UGT1A7: variants seen among roughly 807,000 people sequenced by gnomAD.
UGT1A7 encodes UDP glucuronosyltransferase family 1 member A7, also known as UDP-glucuronosyltransferase 1A7.
Under a neutral mutation model 45.6 loss-of-function variants are expected in UGT1A7, and 33 were observed. That is an observed-to-expected ratio of 0.72 (90% confidence interval 0.55 to 0.97). UGT1A7 has a LOEUF of 0.97. UGT1A7 is among the 50% of genes least tolerant of loss of function. The probability of loss-of-function intolerance (pLI) is 0.00; values close to 1 mark genes in which losing one functional copy is unlikely to be tolerated. For synonymous variants in UGT1A7, 274 were observed against 250.6 expected, an observed-to-expected ratio of 1.09 and a Z score of -0.88; for missense variants, 684 against 666.2, an observed-to-expected ratio of 1.03 and a Z score of -0.29.
intron 1 of UGT1A7, chr2:233,713,168 G>A (rs773495849): frequency 1.2e-6 from 2 of 1,614,212 alleles, no homozygotes; most frequent in South Asian, 2.2e-5. Flanking sequence ...ACCAGGTGGT[G>A]GTCCTCACCC....
chr2:233,728,564 A>T (rs2077727018), intron 1 of UGT1A7, among the ~76,000 whole-genome samples: 1 of 152,200 alleles, frequency 6.6e-6, no homozygotes, highest in Non-Finnish European at 1.5e-5. Flanking sequence ...TACAAGAAAT[A>T]TCCTGGTGCG....
Position 233,724,804 on chromosome 2 carries a change from G to A in UGT1A7, c.855+42012G>A, listed in dbSNP as rs1450931342. ...TCACTTCCCAGACGGGGTGGCGGCCGGGCAGAGGCTGCAATCTCGGCACTT... is the reference window on the plus strand; with the variant it reads ...TCACTTCCCAGACGGGGTGGCGGCCAGGCAGAGGCTGCAATCTCGGCACTT... On this transcript the variant is annotated intron_variant, in intron 1 of 4. Coordinates refer to ENST00000373426, the MANE Select transcript of UGT1A7 (RefSeq NM_019077.3). 4.1e-4 allele frequency among the ~76,000 whole-genome samples: 57 copies of A among 138,728 alleles called. 3 individuals are homozygous for A. Among genetic ancestry groups the A allele is most frequent in the Non-Finnish European group, 8.3e-4 (54 of 64,962 alleles). The allele number at this position is 138,728 out of a possible 152,430, so 91.0% of individuals were successfully genotyped here. A position where few individuals can be genotyped will look rare whatever the true frequency, so the allele number is the denominator to read the frequency against.
intron 1 of UGT1A7, chr2:233,729,416 CTCAACTGT>C (rs2077854535): frequency 6.2e-7 from 1 of 1,613,510 alleles, no homozygotes. Context: ...CTGGGCCACA[CTCAACTGT>C]ACTTTGAAAC....
chr2:233,689,685 A>G (rs1172715108), intron 1 of UGT1A7, among the ~76,000 whole-genome samples: 1 of 152,190 alleles, frequency 6.6e-6, no homozygotes, highest in East Asian at 1.9e-4. Context: ...TGGCTGTCAG[A>G]GTTCAGTCGT....
chr2:233,721,721 C>T (rs2076966179), intron 1 of UGT1A7: 1 of 393,114 alleles, frequency 2.5e-6, no homozygotes. Flanking sequence ...GCTTTGTTTA[C>T]TTGGATAAGC....
At position 233,685,517 on chromosome 2, in the gene UGT1A7, G is replaced by A. The variant is rs996449666; in HGVS notation, c.855+2725G>A. Among the ~76,000 whole-genome samples, 3 of 152,184 alleles carry A rather than the reference G, an allele frequency of 2.0e-5. No individual in the cohort carries two copies. The East Asian group carries it at 5.8e-4, about 29-fold the overall frequency. ...GTGGTTACAGCAAGAAAAGATCTATGCTTTCCCCATTGCTCTCGCATTCTG... is the reference window on the plus strand; with the variant it reads ...GTGGTTACAGCAAGAAAAGATCTATACTTTCCCCATTGCTCTCGCATTCTG... On this transcript the variant is annotated intron_variant, in intron 1 of 4. Coordinates refer to ENST00000373426, the MANE Select transcript of UGT1A7 (RefSeq NM_019077.3).
In UGT1A7 at chr2:233,722,855, T is replaced by G. The variant is rs537122940; in HGVS notation, c.855+40063T>G. Among the ~76,000 whole-genome samples, 9 of 127,428 alleles carry G rather than the reference T, an allele frequency of 7.1e-5. No individual in the cohort carries two copies. The South Asian group carries it at 1.9e-3, about 27-fold the overall frequency. 83.6% of individuals were successfully genotyped at this position (127,428 alleles called of 152,430 possible). A position where few individuals can be genotyped will look rare whatever the true frequency, so the allele number is the denominator to read the frequency against. On this transcript the variant is annotated intron_variant, in intron 1 of 4. Coordinates refer to ENST00000373426, the MANE Select transcript of UGT1A7 (RefSeq NM_019077.3). ...ATAATAAGAATGTTTCTTTTTTTTTTTTTTGAAGGAAAAAATAAATTTATT... is the reference window on the plus strand; with the variant it reads ...ATAATAAGAATGTTTCTTTTTTTTTGTTTTGAAGGAAAAAATAAATTTATT...
intron 4 of UGT1A7, among the ~76,000 whole-genome samples, chr2:233,768,962 ATAATT>A (rs753324015): frequency 2.0e-5 from 3 of 152,200 alleles, no homozygotes; most frequent in Non-Finnish European, 4.4e-5. Flanking sequence ...AATTTATCAT[ATAATT>A]TATTTAGAAT....
At chr2:233,709,327 T>A (rs2076071799) in intron 1 of UGT1A7, among the ~76,000 whole-genome samples, 1 of 152,218 alleles carries the variant, frequency 6.6e-6, no homozygotes, top group African/African-American at 2.4e-5. Flanking sequence ...TTTTTGTTAC[T>A]AGTTTGTCAT....
intron 1 of UGT1A7, among the ~76,000 whole-genome samples, chr2:233,749,150 C>G (rs1694128023): frequency 6.6e-6 from 1 of 151,782 alleles, no homozygotes; most frequent in Non-Finnish European, 1.5e-5. Flanking sequence ...ACTTCCATGA[C>G]TTGATCCTTT....
At chr2:233,747,029 T>C (rs1693544106) in intron 1 of UGT1A7, among the ~76,000 whole-genome samples, 1 of 152,046 alleles carries the variant, frequency 6.6e-6, no homozygotes, top group Middle Eastern at 3.4e-3. Context: ...TTTCCCGAAG[T>C]GGGACCCATA....
chr2:233,724,822 C>G (rs372493213), intron 1 of UGT1A7, among the ~76,000 whole-genome samples: 1 of 136,056 alleles, frequency 7.3e-6, no homozygotes, highest in Admixed American at 7.2e-5. Context: ...GCTGCAATCT[C>G]GGCACTTTGG....
chr2:233,743,820 C>T (rs753368953), intron 1 of UGT1A7: 5 of 1,367,258 alleles, frequency 3.7e-6, no homozygotes, highest in Non-Finnish European at 4.9e-6. Context: ...GGGTTTTTGT[C>T]GGGGTGCCAC....
intron 1 of UGT1A7, among the ~76,000 whole-genome samples, chr2:233,757,540 A>ATATATATATATATATATATATATATG (rs1696599685): frequency 2.6e-5 from 3 of 116,538 alleles, no homozygotes; most frequent in Non-Finnish European, 5.4e-5. Flanking sequence ...TAAGGAATAT[A>ATATATATATATATATATATATATATG]TATATATATA....
chr2:233,766,548 C>T (rs547504981), intron 1 of UGT1A7, among the ~76,000 whole-genome samples: 152 of 152,318 alleles, frequency 1.0e-3, no homozygotes, highest in African/African-American at 3.6e-3. Flanking sequence ...AAATGCCTGT[C>T]CTCACCTAGG....
chr2:233,734,814 T>C (rs1435677424), intron 1 of UGT1A7, among the ~76,000 whole-genome samples: 1 of 152,246 alleles, frequency 6.6e-6, no homozygotes, highest in East Asian at 1.9e-4. Flanking sequence ...TTCCATGTAG[T>C]TGTGCGATTT....
At chr2:233,713,084 G>A in intron 1 of UGT1A7, 1 of 1,614,196 alleles carries the variant, frequency 6.2e-7, no homozygotes, top group African/African-American at 1.3e-5. Context: ...GTGGGAAGGT[G>A]CTGGTGGTGC....
At chr2:233,698,157 G>A (rs1238708263) in intron 1 of UGT1A7, among the ~76,000 whole-genome samples, 4 of 152,108 alleles carry the variant, frequency 2.6e-5, no homozygotes, top group African/African-American at 7.2e-5. Context: ...CCAGCATGTC[G>A]TCCTAGAGAA....
intron 1 of UGT1A7, chr2:233,743,074 A>G: frequency 2.9e-6 from 1 of 345,076 alleles, no homozygotes; most frequent in East Asian, 7.5e-5. Context: ...AGGTGTTGGC[A>G]TGAAGTGTTT....
Sources: allele counts gnomAD v4.1 joint callset (sites outside exome capture counted in the v4.1 genomes callset), GRCh38; gene constraint gnomAD v4.1.1; transcripts MANE v1.5; gene names NCBI Gene and HGNC (gene_info 2026-07-23, HGNC 2026-07-21).